NPAS3: variants seen among roughly 807,000 people sequenced by gnomAD.
NPAS3 encodes neuronal PAS domain protein 3.
Under a neutral mutation model 73.1 loss-of-function variants are expected in NPAS3, and 14 were observed. That is an observed-to-expected ratio of 0.19 (90% CI 0.13 to 0.30). NPAS3 has a LOEUF of 0.30. NPAS3 is among the 10% of genes least tolerant of loss of function. The pLI, the probability that NPAS3 is intolerant of heterozygous loss-of-function variation, is 1.00. For missense variants in NPAS3, 1,096 were observed against 1,250.0 expected, an observed-to-expected ratio of 0.88 and a Z score of 1.86; for synonymous variants, 620 against 541.5, an observed-to-expected ratio of 1.14 and a Z score of -2.01.
chr14:33,693,994 G>GTCA (rs1267997357), intron 6 of NPAS3, among the ~76,000 whole-genome samples: 1 of 152,054 alleles, frequency 6.6e-6, no homozygotes, highest in African/African-American at 2.4e-5. Flanking sequence ...TTCCTCAGGG[G>GTCA]TCATGTTCAC....
intron 3 of NPAS3, among the ~76,000 whole-genome samples, chr14:33,301,306 T>TTA (rs1232866435): frequency 0.09 from 7,296 of 81,186 alleles, 1,315 homozygotes; most frequent in Middle Eastern, 0.15. Flanking sequence ...GGTTTTATCA[T>TTA]TATATATATA....
chr14:33,579,993 T>C (rs1047383116), intron 5 of NPAS3, among the ~76,000 whole-genome samples: 1 of 152,228 alleles, frequency 6.6e-6, no homozygotes, highest in African/African-American at 2.4e-5. Flanking sequence ...TACATTTACA[T>C]TTTTGTGTTT....
At position 33,041,685 on chromosome 14, in the gene NPAS3, G is replaced by A. The variant is rs112770420; in HGVS notation, c.51-14220G>A. Among the ~76,000 whole-genome samples, 107 of 152,272 alleles carry A rather than the reference G, an allele frequency of 7.0e-4. 1 individual carries two copies. Among genetic ancestry groups the A allele is most frequent in the African/African-American group, 2.4e-3 (101 of 41,548 alleles). Reference sequence around the variant, plus strand: ...TGAGACAAGTATTGCCAGGGAAGAAGGCTTTAATTGGGTGCTGCAGCTGAG... The same window carrying A: ...TGAGACAAGTATTGCCAGGGAAGAAAGCTTTAATTGGGTGCTGCAGCTGAG... On this transcript the variant is annotated intron_variant, in intron 1 of 11. Coordinates refer to ENST00000356141, the Ensembl canonical transcript of NPAS3.
chr14:33,733,556 A>G (rs1403478566), intron 6 of NPAS3, among the ~76,000 whole-genome samples: 1 of 152,188 alleles, frequency 6.6e-6, no homozygotes, highest in Non-Finnish European at 1.5e-5. Context: ...ATTGGATTAG[A>G]GGGGCAAATT....
chr14:33,044,364 C>T (rs2040435619), intron 1 of NPAS3, among the ~76,000 whole-genome samples: 1 of 152,158 alleles, frequency 6.6e-6, no homozygotes, highest in African/African-American at 2.4e-5. Flanking sequence ...ATGAGGGCAA[C>T]CATTGTATTT....
chr14:33,712,757 C>T (rs551535278), intron 6 of NPAS3, among the ~76,000 whole-genome samples: 15 of 152,244 alleles, frequency 9.9e-5, no homozygotes, highest in African/African-American at 3.6e-4. Context: ...ATTCATGATA[C>T]ACACTAGAAC....
chr14:33,433,048 T>A (rs980807029), intron 4 of NPAS3, among the ~76,000 whole-genome samples: 7 of 152,218 alleles, frequency 4.6e-5, no homozygotes, highest in African/African-American at 1.7e-4. Context: ...AAGGGATTTT[T>A]AATGTTTATT....
At position 33,800,683 on chromosome 14, in the gene NPAS3, G is replaced by T. The variant is rs914996734; in HGVS notation, c.2376G>T (p.Ala792=). The change falls in exon 12 of 12, where the codon GCG becomes GCT. Residue 792 remains alanine, a synonymous_variant. Coordinates refer to ENST00000356141, the Ensembl canonical transcript of NPAS3. This position sits in a 1 kb window ranked among gnomAD's most constrained non-coding sequence, Gnocchi z 6.5. Reference sequence around the variant, plus strand: ...TGCTGTACACTGGGGACCTGGAGGCGCTGCAGAGGTTGCAGGCGGGCAACG... The same window carrying T: ...TGCTGTACACTGGGGACCTGGAGGCTCTGCAGAGGTTGCAGGCGGGCAACG... 3 of 1,545,030 alleles carry T rather than the reference G, an allele frequency of 1.9e-6. No individual in the cohort carries two copies. The highest frequency in any genetic ancestry group is 1.4e-5 in the African/African-American group (1 of 73,198).
chr14:33,112,742 A>G (rs2042938172), intron 2 of NPAS3, among the ~76,000 whole-genome samples: 1 of 152,176 alleles, frequency 6.6e-6, no homozygotes, highest in African/African-American at 2.4e-5. Context: ...GTCCTTGCCC[A>G]TGCCTATGTC....
At chr14:32,968,560 C>T (rs2037283204) in intron 1 of NPAS3, among the ~76,000 whole-genome samples, 1 of 152,090 alleles carries the variant, frequency 6.6e-6, no homozygotes, top group Non-Finnish European at 1.5e-5. Flanking sequence ...TACTTGTTTT[C>T]TAAATCCAGT....
intron 2 of NPAS3, among the ~76,000 whole-genome samples, chr14:33,113,930 G>T (rs1851630119): frequency 6.6e-6 from 1 of 152,058 alleles, no homozygotes; most frequent in African/African-American, 2.4e-5. Context: ...ATAATCATGT[G>T]GTTTTTGTCA....
intron 2 of NPAS3, among the ~76,000 whole-genome samples, chr14:33,076,569 C>T (rs1232006515): frequency 6.6e-6 from 1 of 152,112 alleles, no homozygotes; most frequent in Non-Finnish European, 1.5e-5. Context: ...TGCCTTAGCT[C>T]AACGGAGCAG....
At chr14:33,603,126 C>T (rs896565771) in intron 5 of NPAS3, among the ~76,000 whole-genome samples, 4 of 152,188 alleles carry the variant, frequency 2.6e-5, no homozygotes, top group Non-Finnish European at 5.9e-5. Context: ...ATTATTACTA[C>T]ATTCCACATG....
intron 5 of NPAS3, among the ~76,000 whole-genome samples, chr14:33,621,909 G>T (rs2058085993): frequency 1.3e-5 from 2 of 152,122 alleles, no homozygotes; most frequent in South Asian, 4.1e-4. Context: ...TTCTGTAATG[G>T]AGAGTAATTT....
intron 9 of NPAS3, among the ~76,000 whole-genome samples, chr14:33,783,080 A>G (rs2063031372): frequency 6.6e-6 from 1 of 152,070 alleles, no homozygotes; most frequent in African/African-American, 2.4e-5. Context: ...TTTTTCCACA[A>G]CCGAGCATCA....
intron 4 of NPAS3, among the ~76,000 whole-genome samples, chr14:33,406,919 G>A (rs543652823): frequency 5.9e-5 from 9 of 152,136 alleles, no homozygotes; most frequent in Admixed American, 1.3e-4. Flanking sequence ...TGTAAACACC[G>A]GATCCCACTG....
chr14:33,308,553 C>CACACACACAT (rs1195213186), intron 3 of NPAS3, among the ~76,000 whole-genome samples: 7 of 113,868 alleles, frequency 6.1e-5, no homozygotes, highest in East Asian at 2.6e-4. Context: ...CACACACACA[C>CACACACACAT]ACATACATAC....
At chr14:33,324,736 G>A (rs1400622891) in intron 3 of NPAS3, among the ~76,000 whole-genome samples, 1 of 152,118 alleles carries the variant, frequency 6.6e-6, no homozygotes, top group Non-Finnish European at 1.5e-5. Flanking sequence ...CTCTTTTGGT[G>A]TCCTTCTTTG....
At chr14:33,754,530 G>C (rs1404964692) in intron 7 of NPAS3, among the ~76,000 whole-genome samples, 4 of 152,158 alleles carry the variant, frequency 2.6e-5, no homozygotes. Context: ...TATGGCGGTA[G>C]CATGGTCAGA....
Sources: allele counts gnomAD v4.1 joint callset (sites outside exome capture counted in the v4.1 genomes callset), GRCh38; gene constraint gnomAD v4.1.1; non-coding constraint Gnocchi (gnomAD v3.1); transcripts MANE v1.5; gene names NCBI Gene and HGNC (gene_info 2026-07-23, HGNC 2026-07-21).